Variants in COL7A1 observed in about 807,000 individuals in gnomAD.
COL7A1 encodes the protein collagen alpha-1(VII) chain.
A neutral mutation model predicts 456.2 loss-of-function variants in COL7A1; 296 were observed. The observed-to-expected ratio is 0.65, with a 90% confidence interval of 0.59 to 0.71. The LOEUF is 0.71. Among genes scored for constraint, COL7A1 ranks in the 30% least tolerant of loss-of-function variants. The pLI, the probability that COL7A1 is intolerant of heterozygous loss-of-function variation, is 0.00. For missense variants in COL7A1, 3,441 were observed against 4,017.2 expected (o/e 0.86, Z 3.88); for synonymous variants, 1,464 against 1,525.9 (o/e 0.96, Z 0.95).
chr3:48,588,069 C>A lies in COL7A1; in HGVS notation c.2711-130G>T. ...TCCTGACTGATCTTCCTCATCCTCACTGACCCTGCCCACTTTACGGACCCT... is the reference window on the plus strand; with the variant it reads ...TCCTGACTGATCTTCCTCATCCTCAATGACCCTGCCCACTTTACGGACCCT... On this transcript the variant is annotated intron_variant, in intron 21 of 118. Coordinates refer to ENST00000681320, the MANE Select transcript of COL7A1 (RefSeq NM_000094.4). The surrounding 1 kb of genome is among the most constrained non-coding windows in gnomAD (Gnocchi z 4.6). 1 of 1,338,182 alleles carries A rather than the reference C, an allele frequency of 7.5e-7. No homozygotes were observed. The highest frequency in any genetic ancestry group is 1.0e-6 in the Non-Finnish European group (1 of 975,462). 82.9% of individuals were successfully genotyped at this position (1,338,182 alleles called of 1,614,324 possible). A position where few individuals can be genotyped will look rare whatever the true frequency, so the allele number is the denominator to read the frequency against.
chr3:48,568,653 CG>C lies in COL7A1; in HGVS notation c.7759-120del. 6.8e-7 allele frequency: 1 copy of C among 1,479,548 alleles called. No homozygotes were observed. Among genetic ancestry groups the C allele is most frequent in the Non-Finnish European group, 9.2e-7 (1 of 1,084,720 alleles). 91.7% of individuals were successfully genotyped at this position (1,479,548 alleles called of 1,614,324 possible). A position where few individuals can be genotyped will look rare whatever the true frequency, so the allele number is the denominator to read the frequency against. ...CAGGGCCCAGGCCACACACAGATCC[CG>C]GGTGAACACACATGGGGCCGGCAGC... On this transcript the variant is annotated intron_variant, in intron 104 of 118. Coordinates refer to ENST00000681320, the MANE Select transcript of COL7A1 (RefSeq NM_000094.4). The surrounding 1 kb of genome is among the most constrained non-coding windows in gnomAD (Gnocchi z 5.2).
chr3:48,586,746 C>T lies in COL7A1; in HGVS notation c.3277-57G>A. 4 of 1,548,038 alleles carry T rather than the reference C, an allele frequency of 2.6e-6. No individual in the cohort carries two copies. Among genetic ancestry groups the T allele is most frequent in the Non-Finnish European group, 3.5e-6 (4 of 1,144,576 alleles). On this transcript the variant is annotated intron_variant, in intron 25 of 118. Transcript: ENST00000681320. This position sits in a 1 kb window ranked among gnomAD's most constrained non-coding sequence, Gnocchi z 5.1. ...GGATGACAGAGCAGGGATGGGGGTG[C>T]ACAGAGCCTGGAGAAACACATCAGG... is the stretch of plus-strand genomic sequence containing the variant.
chr3:48,583,270 C>T lies in COL7A1; in HGVS notation c.4438-99G>A. ...AAGGGGTCCCAAACTCCAACCACCC[C>T]CTCCAAAACCACGACCTCTGACCTG... On this transcript the variant is annotated intron_variant, in intron 42 of 118. Transcript: ENST00000681320. This position sits in a 1 kb window ranked among gnomAD's most constrained non-coding sequence, Gnocchi z 5.1. The T allele has an allele frequency of 1.2e-6, 2 of 1,602,634 alleles. No homozygotes were observed. Among genetic ancestry groups the T allele is most frequent in the African/African-American group, 1.3e-5 (1 of 74,554 alleles).
rs1162091222 is a variant in COL7A1, at chr3:48,570,874, G to A, written c.7259C>T (p.Pro2420Leu). The A allele has an allele frequency of 5.0e-6, 8 of 1,612,326 alleles. No homozygotes were observed. The highest frequency in any genetic ancestry group is 6.8e-6 in the Non-Finnish European group (8 of 1,179,496). ...CCAGCCCCTCACCCGCTCTCCACTA[G>A]GGCCTGGCTGACCCATCTCTCCTCG... ...GPRGEMGQPG[P>L]SGERGLAGPP... Residue 2420 changes from proline to leucine, a missense_variant, in exon 95 of 119, where the codon CCT (proline) becomes CTT (leucine). This residue lies in a region of COL7A1 where 2,084 missense variants were observed against 2,501.3 expected (regional missense o/e 0.83). Coordinates refer to ENST00000681320, the MANE Select transcript of COL7A1 (RefSeq NM_000094.4). The surrounding 1 kb of genome is among the most constrained non-coding windows in gnomAD (Gnocchi z 5.5).
In COL7A1 at chr3:48,568,977, C is replaced by T. The variant is rs1252781823; in HGVS notation, c.7687-122G>A. ...CTCCCGAACGGCCCTAGCAGCACGT[C>T]CTCCCAGCCTGTGCCATAGCGGGTG... On this transcript the variant is annotated intron_variant, in intron 103 of 118. Coordinates refer to ENST00000681320, the MANE Select transcript of COL7A1 (RefSeq NM_000094.4). This position sits in a 1 kb window ranked among gnomAD's most constrained non-coding sequence, Gnocchi z 5.2. The T allele has an allele frequency of 5.4e-6, 5 of 932,918 alleles. No homozygotes were observed. In the African/African-American group the frequency reaches 6.5e-5, roughly 12 times the overall value. 57.8% of individuals were successfully genotyped at this position (932,918 alleles called of 1,614,324 possible).
chr3:48,587,104 G>A lies in COL7A1; in HGVS notation c.3144C>T (p.Cys1048=). Residue 1048 remains cysteine, a synonymous_variant, in exon 25 of 119, where the codon TGC becomes TGT. Coordinates refer to ENST00000681320, the MANE Select transcript of COL7A1 (RefSeq NM_000094.4). The surrounding 1 kb of genome is among the most constrained non-coding windows in gnomAD (Gnocchi z 6.1). ...PEASVTQTPV[C]PRGLADVVFL... is the part of the protein sequence containing the mutation. ...ACACCACATCCGCCAGGCCACGGGG[G>A]CACACTGTAGGAAGGGGAACAAGTT... is the stretch of plus-strand genomic sequence containing the variant. 6.2e-7 allele frequency: 1 copy of A among 1,612,874 alleles called. No homozygotes were observed. The highest frequency in any genetic ancestry group is 2.2e-5 in the East Asian group (1 of 44,848).
chr3:48,564,992 G>A lies in COL7A1; in HGVS notation c.8621-12C>T, dbSNP rs2043537411. The A allele has an allele frequency of 6.2e-7, 1 of 1,614,112 alleles. No homozygotes were observed. The highest frequency in any genetic ancestry group is 1.6e-4 in the Middle Eastern group (1 of 6,062). On this transcript the variant is annotated splice_polypyrimidine_tract_variant and intron_variant, in intron 117 of 118. Coordinates refer to ENST00000681320, the MANE Select transcript of COL7A1 (RefSeq NM_000094.4). This position sits in a 1 kb window ranked among gnomAD's most constrained non-coding sequence, Gnocchi z 6.0. ...CAGGGAACAGGGGTCTGGGCCAATG[G>A]GGTCAAGTCAGCAGGGTTTGTGGGA...
In COL7A1 at chr3:48,574,755, G is replaced by A. The variant is rs767379856; in HGVS notation, c.6349-34C>T. The A allele has an allele frequency of 6.2e-7, 1 of 1,613,980 alleles. No homozygotes were observed. The highest frequency in any genetic ancestry group is 8.5e-7 in the Non-Finnish European group (1 of 1,180,020). On this transcript the variant is annotated intron_variant, in intron 77 of 118. Transcript: ENST00000681320. The surrounding 1 kb of genome is among the most constrained non-coding windows in gnomAD (Gnocchi z 5.0). Reference sequence around the variant, plus strand: ...ATGAGATGTCAAGTCAGTCCCTAGTGCCATGGCAGAGGGTGGCCCCGAGCT... The same window carrying A: ...ATGAGATGTCAAGTCAGTCCCTAGTACCATGGCAGAGGGTGGCCCCGAGCT...
rs1166744138 is a variant in COL7A1, at chr3:48,576,522, C to T, written c.5736G>A (p.Lys1912=). 1 of 1,611,820 alleles carries T rather than the reference C, an allele frequency of 6.2e-7. No homozygotes were observed. ...CCCCCTACCCAACATCCGCACTCAC[C>T]TTGGGGCCCGTGCCTCCTGGGACAC... ...FPGVPGGTGP[K]GDRGETGSKG... is the part of the protein sequence containing the mutation. Residue 1912 remains lysine, a splice_region_variant and synonymous_variant, in exon 69 of 119, where the codon AAG becomes AAA. Coordinates refer to ENST00000681320, the MANE Select transcript of COL7A1 (RefSeq NM_000094.4).
chr3:48,583,808 C>T lies in COL7A1; in HGVS notation c.4279-28G>A, dbSNP rs142066167. On this transcript the variant is annotated intron_variant, in intron 39 of 118. Transcript: ENST00000681320. The surrounding 1 kb of genome is among the most constrained non-coding windows in gnomAD (Gnocchi z 5.1). ...AGGAAGAAGTGAGTAAAAATATGAG[C>T]CAAGAACTATGAAGCCCAGCACCCA... is the stretch of plus-strand genomic sequence containing the variant. 1 of 1,613,670 alleles carries T rather than the reference C, an allele frequency of 6.2e-7. No homozygotes were observed. The highest frequency in any genetic ancestry group is 1.1e-5 in the South Asian group (1 of 91,076).
Position 48,585,196 on chromosome 3 carries a change from ACAAGGGGTCGCCTACCCCACTGACCCC to A in COL7A1, c.3895-107_3895-81del. 1 of 1,417,040 alleles carries A rather than the reference ACAAGGGGTCGCCTACCCCACTGACCCC, an allele frequency of 7.1e-7. No individual in the cohort carries two copies. Among genetic ancestry groups the A allele is most frequent in the Non-Finnish European group, 9.8e-7 (1 of 1,022,188 alleles). 87.8% of individuals were successfully genotyped at this position (1,417,040 alleles called of 1,614,324 possible). ...TTGCTGGAGGGGCCTCACCCCATCA[ACAAGGGGTCGCCTACCCCACTGACCCC>A]CAAGTGTTATTGGGGGTGGAACAGT... On this transcript the variant is annotated intron_variant, in intron 32 of 118. Coordinates refer to ENST00000681320, the MANE Select transcript of COL7A1 (RefSeq NM_000094.4). The surrounding 1 kb of genome is among the most constrained non-coding windows in gnomAD (Gnocchi z 4.5).
At position 48,574,397 on chromosome 3, in the gene COL7A1, C is replaced by G; in HGVS notation, c.6456+91G>C. The G allele has an allele frequency of 6.2e-7, 1 of 1,612,746 alleles. No homozygotes were observed. Among genetic ancestry groups the G allele is most frequent in the Non-Finnish European group, 8.5e-7 (1 of 1,178,856 alleles). On this transcript the variant is annotated intron_variant, in intron 79 of 118. Coordinates refer to ENST00000681320, the MANE Select transcript of COL7A1 (RefSeq NM_000094.4). The surrounding 1 kb of genome is among the most constrained non-coding windows in gnomAD (Gnocchi z 5.0). ...TAGACAGAGTCAGGACCCAGACAGT[C>G]CCAGGCAGTACAGACCCCAGCCCTG...
rs1312750939 is a variant in COL7A1 at position 48,585,547 on chromosome 3, C to G, written c.3894+10G>C. On this transcript the variant is annotated intron_variant, in intron 32 of 118. Coordinates refer to ENST00000681320, the MANE Select transcript of COL7A1 (RefSeq NM_000094.4). This position sits in a 1 kb window ranked among gnomAD's most constrained non-coding sequence, Gnocchi z 4.5. ...TGCCTCAGAGAAACCTCGATGGTCT[C>G]CACACTCACCCTCTCGCCCTTGGCA... 6.2e-7 allele frequency: 1 copy of G among 1,613,768 alleles called. No homozygotes were observed. Among genetic ancestry groups the G allele is most frequent in the Non-Finnish European group, 8.5e-7 (1 of 1,179,946 alleles).
rs139416916 is a variant in COL7A1 at position 48,564,875 on chromosome 3, T to C, written c.8726A>G (p.Tyr2909Cys). 4 of 1,614,130 alleles carry C rather than the reference T, an allele frequency of 2.5e-6. No homozygotes were observed. Among genetic ancestry groups the C allele is most frequent in the Non-Finnish European group, 2.5e-6 (3 of 1,180,006 alleles). The change falls in exon 118 of 119, where the codon TAT becomes TGT. Residue 2909 changes from tyrosine (Y) to cysteine (C), a missense_variant. Physicochemically the swap from Tyr to Cys is radical, Grantham distance 194 (BLOSUM62 -2). Around this residue, in one of 3 missense-constraint regions of COL7A1, gnomAD observed 2,084 missense variants for 2,501.3 expected, o/e 0.83. Transcript: ENST00000681320. The surrounding 1 kb of genome is among the most constrained non-coding windows in gnomAD (Gnocchi z 6.0). ...GSTEACHPFV[Y>C]GGCGGNANRF... ...GTTGGCATTCCCTCCACAGCCACCA[T>C]AGACAAAAGGGTGACAGGCCTCTGT... is the stretch of plus-strand genomic sequence containing the variant.
rs2044084236 is a variant in COL7A1 at position 48,573,646 on chromosome 3, A to C, written c.6573+44T>G. The C allele has an allele frequency of 1.2e-6, 2 of 1,612,820 alleles. No homozygotes were observed. The highest frequency in any genetic ancestry group is 2.7e-5 in the African/African-American group (2 of 74,878). On this transcript the variant is annotated intron_variant, in intron 82 of 118. Coordinates refer to ENST00000681320, the MANE Select transcript of COL7A1 (RefSeq NM_000094.4). The surrounding 1 kb of genome is among the most constrained non-coding windows in gnomAD (Gnocchi z 5.5). ...ATCAGCTGTGGCCAATGCCTATCCC[A>C]GCCCTTCCAGACCCTCACCAGGCAG...
rs775264233 is a variant in COL7A1 at position 48,565,008 on chromosome 3, G to A, written c.8621-28C>T. 6 of 1,613,992 alleles carry A rather than the reference G, an allele frequency of 3.7e-6. No individual in the cohort carries two copies. The Middle Eastern group carries it at 8.2e-4, about 222-fold the overall frequency. ...GGGCCAATGGGGTCAAGTCAGCAGG[G>A]TTTGTGGGAATCAGAGAGGGTTGAA... is the stretch of plus-strand genomic sequence containing the variant. On this transcript the variant is annotated intron_variant, in intron 117 of 118. Transcript: ENST00000681320. The surrounding 1 kb of genome is among the most constrained non-coding windows in gnomAD (Gnocchi z 4.5).
Position 48,579,618 on chromosome 3 carries a change from A to T in COL7A1, c.5205T>A (p.Asp1735Glu). Residue 1735 changes from aspartate (D) to glutamate (E), a missense_variant, in exon 59 of 119, where the codon GAT (aspartate) becomes GAA (glutamate). Physicochemically the swap from Asp to Glu is conservative, Grantham distance 45. Around this residue, in one of 3 missense-constraint regions of COL7A1, gnomAD observed 2,084 missense variants for 2,501.3 expected, o/e 0.83. Coordinates refer to ENST00000681320, the MANE Select transcript of COL7A1 (RefSeq NM_000094.4). This position sits in a 1 kb window ranked among gnomAD's most constrained non-coding sequence, Gnocchi z 4.4. The part of the protein sequence containing the change: ...GQEGPRGPKG[D>E]PGLPGAPGER... ...CCCCAGGGGCTCCAGGGAGGCCAGG[A>T]TCACCCTTGGGCCCTCGAGGACCCT... 1 of 1,613,690 alleles carries T rather than the reference A, an allele frequency of 6.2e-7. No homozygotes were observed.
In COL7A1 at chr3:48,565,695, G is replaced by C; in HGVS notation, c.8408-27C>G. On this transcript the variant is annotated intron_variant, in intron 114 of 118. Coordinates refer to ENST00000681320, the MANE Select transcript of COL7A1 (RefSeq NM_000094.4). This position sits in a 1 kb window ranked among gnomAD's most constrained non-coding sequence, Gnocchi z 4.5. Reference sequence around the variant, plus strand: ...TAGAGGGGGCAGAGAGGGATAGAGAGACAATGACAGAGAGAAGGATGGGAA... The same window carrying C: ...TAGAGGGGGCAGAGAGGGATAGAGACACAATGACAGAGAGAAGGATGGGAA... 6.2e-7 allele frequency: 1 copy of C among 1,600,864 alleles called. No individual in the cohort carries two copies. The highest frequency in any genetic ancestry group is 1.7e-5 in the Admixed American group (1 of 58,354).
In COL7A1 at chr3:48,584,348, C is replaced by A. The variant is rs2045046700; in HGVS notation, c.4147G>T (p.Gly1383Trp). 1 of 1,613,360 alleles carries A rather than the reference C, an allele frequency of 6.2e-7. No homozygotes were observed. Residue 1383 changes from glycine (G) to tryptophan (W), a missense_variant, in exon 37 of 119, where the codon GGG (glycine) becomes TGG (tryptophan). By Grantham distance (184) the Gly-to-Trp change is radical. Around this residue, in one of 3 missense-constraint regions of COL7A1, gnomAD observed 2,084 missense variants for 2,501.3 expected, o/e 0.83. Coordinates refer to ENST00000681320, the MANE Select transcript of COL7A1 (RefSeq NM_000094.4). ...SGPPGPRGPL[G>W]DPGPRGPPGL... ...GGGGGGCCACGGGGTCCTGGGTCCC[C>A]CAGTGGTCCACGAGGTCCAGGGGGG... is the stretch of plus-strand genomic sequence containing the variant.
Sources: gnomAD v4.1 joint callset for allele counts on GRCh38, gnomAD v4.1.1 for gene constraint, gnomAD v4.1.1 regional missense constraint, Gnocchi (gnomAD v3.1) non-coding constraint, MANE v1.5 for transcripts, NCBI Gene and HGNC (gene_info 2026-07-23, HGNC 2026-07-21) for gene names.